Variants in SLC22A3 observed in about 807,000 individuals in gnomAD.
SLC22A3 encodes the protein EMT organic cation transporter 3.
In SLC22A3, 51 loss-of-function variants were observed where a neutral mutation model predicts 59.1. That is an observed-to-expected ratio of 0.86 (90% CI 0.69 to 1.09). The LOEUF (loss-of-function observed/expected upper bound fraction) is 1.09. Ranked by LOEUF, SLC22A3 falls within the 50% of genes least tolerant of loss-of-function variation. SLC22A3 has a pLI of 0.00. For missense variants in SLC22A3, 711 were observed against 726.3 expected (o/e 0.98, Z 0.24); for synonymous variants, 325 against 292.0 (o/e 1.11, Z -1.15).
intron 2 of SLC22A3, among the ~76,000 whole-genome samples, chr6:160,402,601 TA>T (rs911943447): frequency 2.6e-5 from 4 of 151,826 alleles, no homozygotes; most frequent in Non-Finnish European, 5.9e-5. Flanking sequence ...TTTCAAGTTC[TA>T]ATGAAATATT....
chr6:160,368,090 G>A (rs550287471), intron 1 of SLC22A3, among the ~76,000 whole-genome samples: 63 of 152,044 alleles, frequency 4.1e-4, no homozygotes, highest in African/African-American at 1.3e-3. Context: ...GTGTCCTGAC[G>A]TCCACTCTGG....
At chr6:160,378,409 G>A (rs1785673975) in intron 1 of SLC22A3, among the ~76,000 whole-genome samples, 1 of 152,164 alleles carries the variant, frequency 6.6e-6, no homozygotes, top group Non-Finnish European at 1.5e-5. Flanking sequence ...GCTTTGGCAA[G>A]CTTTAAAAGG....
At chr6:160,440,124 C>G (rs547267072) in intron 7 of SLC22A3, among the ~76,000 whole-genome samples, 2 of 152,334 alleles carry the variant, frequency 1.3e-5, no homozygotes, top group East Asian at 3.9e-4. Flanking sequence ...GTATTCTCAT[C>G]TCAGACTCAC....
At chr6:160,384,177 A>C (rs1376408236) in intron 1 of SLC22A3, among the ~76,000 whole-genome samples, 1 of 152,138 alleles carries the variant, frequency 6.6e-6, no homozygotes, top group East Asian at 1.9e-4. Context: ...TGATCTGCCC[A>C]CCTCGGCCTC....
chr6:160,362,394 G>C (rs1224158366), intron 1 of SLC22A3, among the ~76,000 whole-genome samples: 1 of 152,220 alleles, frequency 6.6e-6, no homozygotes, highest in Non-Finnish European at 1.5e-5. Flanking sequence ...GGTAGCAGAC[G>C]TGTAGAAAAC....
Position 160,405,062 on chromosome 6 carries a change from A to G in SLC22A3, c.534-1979A>G, listed in dbSNP as rs190382362. ...AACTGATAAGCTGGACTTCATTAAAATTGAAATTTTCTTGTTGTGAGAGAG... is the reference window on the plus strand; with the variant it reads ...AACTGATAAGCTGGACTTCATTAAAGTTGAAATTTTCTTGTTGTGAGAGAG... On this transcript the variant is annotated intron_variant, in intron 2 of 10. Coordinates refer to ENST00000275300, the MANE Select transcript of SLC22A3 (RefSeq NM_021977.4). Among the ~76,000 whole-genome samples, 3 of 152,248 alleles carry G rather than the reference A, an allele frequency of 2.0e-5. No homozygotes were observed. The East Asian group carries it at 5.8e-4, about 29-fold the overall frequency.
At chr6:160,358,716 C>A (rs1383541799) in intron 1 of SLC22A3, among the ~76,000 whole-genome samples, 1 of 152,224 alleles carries the variant, frequency 6.6e-6, no homozygotes, top group East Asian at 1.9e-4. Context: ...TGGGCACATG[C>A]CAGTTCCCTC....
intron 9 of SLC22A3, among the ~76,000 whole-genome samples, chr6:160,446,000 C>G (rs1008492748): frequency 6.6e-6 from 1 of 152,166 alleles, no homozygotes; most frequent in African/African-American, 2.4e-5. Flanking sequence ...CCAAGCCCCC[C>G]AGAAAATCAG....
rs1347611580 is a variant in SLC22A3, at chr6:160,439,009, G to T, written c.1288+1798G>T. On this transcript the variant is annotated intron_variant, in intron 7 of 10. Coordinates refer to ENST00000275300, the MANE Select transcript of SLC22A3 (RefSeq NM_021977.4). ...TATTTCCAAATGTAGTAGCCTTGAGGTTCCAGGTAGACATGAATTTTGGGA... is the reference window on the plus strand; with the variant it reads ...TATTTCCAAATGTAGTAGCCTTGAGTTTCCAGGTAGACATGAATTTTGGGA... 2.0e-5 allele frequency among the ~76,000 whole-genome samples: 3 copies of T among 151,978 alleles called. No homozygotes were observed. The East Asian group carries it at 5.8e-4, about 29-fold the overall frequency.
chr6:160,395,597 AATC>A (rs377672964), intron 1 of SLC22A3, among the ~76,000 whole-genome samples: 405 of 152,374 alleles, frequency 2.7e-3, no homozygotes, highest in African/African-American at 9.0e-3. Context: ...TCAGATAAAT[AATC>A]ATCAACTTGT....
chr6:160,451,130 T>G lies in SLC22A3; in HGVS notation c.*74T>G. 1 of 1,345,006 alleles carries G rather than the reference T, an allele frequency of 7.4e-7. No homozygotes were observed. The highest frequency in any genetic ancestry group is 1.0e-6 in the Non-Finnish European group (1 of 954,986). 83.3% of individuals were successfully genotyped at this position (1,345,006 alleles called of 1,614,324 possible). On this transcript the variant is annotated 3_prime_UTR_variant, in exon 11 of 11. Coordinates refer to ENST00000275300, the MANE Select transcript of SLC22A3 (RefSeq NM_021977.4). ...CTTGCAAAGCTGTGCCTTGCAGAGA[T>G]GCACGTGTGCATTTCAGCTACATCA... is the stretch of plus-strand genomic sequence containing the variant.
intron 1 of SLC22A3, among the ~76,000 whole-genome samples, chr6:160,378,326 A>G (rs1008752794): frequency 1.3e-5 from 2 of 152,208 alleles, no homozygotes; most frequent in African/African-American, 4.8e-5. Flanking sequence ...GGATTTTCAT[A>G]TGGCACTGGT....
chr6:160,361,727 G>A (rs1785019085), intron 1 of SLC22A3, among the ~76,000 whole-genome samples: 1 of 152,186 alleles, frequency 6.6e-6, no homozygotes, highest in Non-Finnish European at 1.5e-5. Context: ...AAATTGCAAT[G>A]TCTGAACCAA....
At chr6:160,387,975 C>A (rs1158094328) in intron 1 of SLC22A3, among the ~76,000 whole-genome samples, 1 of 152,176 alleles carries the variant, frequency 6.6e-6, no homozygotes, top group African/African-American at 2.4e-5. Context: ...AGTCCCACAG[C>A]CACAAGGACT....
chr6:160,433,888 G>T (rs1788247324), intron 5 of SLC22A3, among the ~76,000 whole-genome samples: 1 of 152,140 alleles, frequency 6.6e-6, no homozygotes, highest in South Asian at 2.1e-4. Flanking sequence ...CTCAGCAGAA[G>T]TCTGAAGAGG....
chr6:160,424,579 A>G (rs1787879269), intron 5 of SLC22A3, among the ~76,000 whole-genome samples: 1 of 152,208 alleles, frequency 6.6e-6, no homozygotes, highest in Non-Finnish European at 1.5e-5. Context: ...ATTCAATAAA[A>G]TACACTTGAG....
chr6:160,352,413 GC>G (rs1374685701), intron 1 of SLC22A3, among the ~76,000 whole-genome samples: 1 of 152,198 alleles, frequency 6.6e-6, no homozygotes, highest in Non-Finnish European at 1.5e-5. Context: ...ACGCAGAGAA[GC>G]GAGTCTGACC....
intron 1 of SLC22A3, among the ~76,000 whole-genome samples, chr6:160,392,567 C>T (rs1208007055): frequency 6.6e-6 from 1 of 152,190 alleles, no homozygotes; most frequent in East Asian, 1.9e-4. Flanking sequence ...GAGTGATCTC[C>T]AACATACCTG....
At chr6:160,447,201 C>A (rs997259316) in intron 9 of SLC22A3, among the ~76,000 whole-genome samples, 6 of 152,106 alleles carry the variant, frequency 3.9e-5, no homozygotes, top group African/African-American at 1.4e-4. Context: ...AAGCTTCTCC[C>A]AATAGGTTGA....
Sources: allele counts gnomAD v4.1 joint callset (sites outside exome capture counted in the v4.1 genomes callset), GRCh38; gene constraint gnomAD v4.1.1; transcripts MANE v1.5; gene names NCBI Gene and HGNC (gene_info 2026-07-23, HGNC 2026-07-21).